FNIP1: variants seen among roughly 807,000 people sequenced by gnomAD.
FNIP1 encodes the protein folliculin interacting protein 1.
A neutral mutation model predicts 124.5 loss-of-function variants in FNIP1; 40 were observed. That is an observed-to-expected ratio of 0.32 (90% confidence interval 0.25 to 0.42). The LOEUF (loss-of-function observed/expected upper bound fraction) is 0.42, where lower values mean the gene tolerates loss of function less well. Among genes scored for constraint, FNIP1 ranks in the 10% least tolerant of loss-of-function variants. FNIP1 has a pLI of 1.00. For missense variants in FNIP1, 1,176 were observed against 1,403.7 expected (o/e 0.84, Z 2.59); for synonymous variants, 472 against 470.6 (o/e 1.00, Z -0.04).
chr5:131,710,013 T>C (rs1361946285), intron 7 of FNIP1, among the ~76,000 whole-genome samples: 1 of 152,212 alleles, frequency 6.6e-6, no homozygotes, highest in East Asian at 1.9e-4. Flanking sequence ...ATCCTGGATA[T>C]ATACACATGA....
At chr5:131,738,222 CG>C (rs1770380457) in intron 2 of FNIP1, among the ~76,000 whole-genome samples, 1 of 152,066 alleles carries the variant, frequency 6.6e-6, no homozygotes, top group Admixed American at 6.5e-5. Context: ...ATCTTATAAA[CG>C]TATGATTTTA....
intron 15 of FNIP1, among the ~76,000 whole-genome samples, chr5:131,667,593 G>A (rs1229176957): frequency 6.6e-6 from 1 of 151,858 alleles, no homozygotes; most frequent in African/African-American, 2.4e-5. Context: ...TTGTTTGTTT[G>A]TTTGTTTGTT....
chr5:131,786,936 A>G (rs1772237522), intron 1 of FNIP1, among the ~76,000 whole-genome samples: 1 of 152,232 alleles, frequency 6.6e-6, no homozygotes. Context: ...GGATGTGGGA[A>G]GAAATTCTAA....
intron 10 of FNIP1, among the ~76,000 whole-genome samples, chr5:131,702,538 G>T (rs1013633594): frequency 6.6e-6 from 1 of 152,024 alleles, no homozygotes; most frequent in Non-Finnish European, 1.5e-5. Context: ...CAAGAATGTC[G>T]ATTTTCTTGC....
intron 15 of FNIP1, among the ~76,000 whole-genome samples, chr5:131,653,368 A>G (rs950713055): frequency 3.3e-5 from 5 of 151,820 alleles, no homozygotes; most frequent in South Asian, 2.1e-4. Context: ...TGAAACCCCA[A>G]CTCTACTAAA....
chr5:131,766,512 G>A (rs1771430804), intron 1 of FNIP1, among the ~76,000 whole-genome samples: 1 of 152,318 alleles, frequency 6.6e-6, no homozygotes, highest in South Asian at 2.1e-4. Context: ...AGTCTAGAAG[G>A]TTTCTGTACT....
At position 131,732,480 on chromosome 5, in the gene FNIP1, T is replaced by C. The variant is rs977703811; in HGVS notation, c.220-1442A>G. On this transcript the variant is annotated intron_variant, in intron 2 of 17. Coordinates refer to ENST00000510461, the MANE Select transcript of FNIP1 (RefSeq NM_133372.3). ...GGTTTTAGGTCTAACATTTAAGTCT[T>C]TAATCCATCTTGAATTAATTTTTGT... Among the ~76,000 whole-genome samples the C allele has an allele frequency of 6.6e-5, 10 of 152,348 alleles. No homozygotes were observed. The South Asian group carries it at 2.1e-3, about 32-fold the overall frequency.
At chr5:131,649,662 T>C (rs1766989026) in intron 16 of FNIP1, among the ~76,000 whole-genome samples, 1 of 152,182 alleles carries the variant, frequency 6.6e-6, no homozygotes, top group African/African-American at 2.4e-5. Flanking sequence ...AAATCCAATT[T>C]ATCTATTTTT....
At chr5:131,674,279 T>C (rs1382420560) in intron 13 of FNIP1, among the ~76,000 whole-genome samples, 1 of 152,152 alleles carries the variant, frequency 6.6e-6, no homozygotes, top group Admixed American at 6.5e-5. Flanking sequence ...AGCCATGCAG[T>C]TCATTTTCAC....
At chr5:131,770,791 T>G (rs1311850905) in intron 1 of FNIP1, among the ~76,000 whole-genome samples, 1 of 152,156 alleles carries the variant, frequency 6.6e-6, no homozygotes, top group East Asian at 1.9e-4. Flanking sequence ...CATCAAGATC[T>G]CCAAAGTGAT....
intron 5 of FNIP1, among the ~76,000 whole-genome samples, chr5:131,717,903 C>T (rs549747985): frequency 3.2e-4 from 49 of 152,054 alleles, no homozygotes; most frequent in African/African-American, 1.1e-3. Flanking sequence ...CCCCCATGGC[C>T]GGGCATGGTG....
chr5:131,670,611 C>A lies in FNIP1; in HGVS notation c.2960G>T (p.Ser987Ile). 2 of 1,608,018 alleles carry A rather than the reference C, an allele frequency of 1.2e-6. No individual in the cohort carries two copies. Among genetic ancestry groups the A allele is most frequent in the African/African-American group, 2.7e-5 (2 of 74,606 alleles). Residue 987 changes from serine to isoleucine, a missense_variant, in exon 15 of 18, where the codon AGT (serine) becomes ATT (isoleucine). By Grantham distance (142) the Ser-to-Ile change is moderately radical (BLOSUM62 -2). Coordinates refer to ENST00000510461, the MANE Select transcript of FNIP1 (RefSeq NM_133372.3). ...PFPGSKLIEVSAVQPNIANFG... is the reference protein window; with the variant it reads ...PFPGSKLIEVIAVQPNIANFG... ...GTTGGCAATGTTGGGCTGAACAGCA[C>A]TCACTTCGATTAACTTTGACCTGGA...
At chr5:131,783,570 T>G (rs910982513) in intron 1 of FNIP1, among the ~76,000 whole-genome samples, 1 of 151,864 alleles carries the variant, frequency 6.6e-6, no homozygotes, top group African/African-American at 2.4e-5. Flanking sequence ...TCCTTAGAAC[T>G]AAAATGTCTC....
At chr5:131,753,022 C>G (rs185899671) in intron 1 of FNIP1, among the ~76,000 whole-genome samples, 1 of 152,082 alleles carries the variant, frequency 6.6e-6, no homozygotes, top group African/African-American at 2.4e-5. Flanking sequence ...CAGTGAGCCA[C>G]GATTGCATCA....
At chr5:131,725,942 C>T (rs995164276) in intron 3 of FNIP1, among the ~76,000 whole-genome samples, 4 of 151,622 alleles carry the variant, frequency 2.6e-5, no homozygotes, top group African/African-American at 9.7e-5. Context: ...TTTTCTGCAT[C>T]TGAGATAATC....
At chr5:131,746,746 T>C (rs1770696637) in intron 1 of FNIP1, among the ~76,000 whole-genome samples, 1 of 152,206 alleles carries the variant, frequency 6.6e-6, no homozygotes, top group Non-Finnish European at 1.5e-5. Context: ...AACATACAAG[T>C]GCATGTGTCT....
chr5:131,755,900 T>C (rs545824109), intron 1 of FNIP1, among the ~76,000 whole-genome samples: 65 of 151,970 alleles, frequency 4.3e-4, no homozygotes, highest in Non-Finnish European at 9.3e-4. Flanking sequence ...TCCTAGCTAC[T>C]TGGGAGGCTG....
intron 6 of FNIP1, among the ~76,000 whole-genome samples, chr5:131,714,979 T>C (rs1240088042): frequency 2.0e-5 from 3 of 152,046 alleles, no homozygotes; most frequent in Non-Finnish European, 2.9e-5. Context: ...GACTGATTGA[T>C]TGGAAATTGA....
At chr5:131,719,870 TG>T (rs1769599720) in intron 3 of FNIP1, among the ~76,000 whole-genome samples, 1 of 152,230 alleles carries the variant, frequency 6.6e-6, no homozygotes, top group African/African-American at 2.4e-5. Context: ...CATCCATAAA[TG>T]GGGCAATTTA....
Sources: gnomAD v4.1 joint callset for allele counts (sites outside exome capture counted in the v4.1 genomes callset) on GRCh38, gnomAD v4.1.1 for gene constraint, MANE v1.5 for transcripts, NCBI Gene and HGNC (gene_info 2026-07-23, HGNC 2026-07-21) for gene names.